Variants in TBXAS1 observed in about 807,000 individuals in gnomAD.
The protein encoded by TBXAS1 is thromboxane A synthase 1.
Under a neutral mutation model 60.7 loss-of-function variants are expected in TBXAS1, and 48 were observed. The ratio of observed to expected loss-of-function variants is 0.79; its 90% CI spans 0.63 to 1.01. The LOEUF is 1.01. Ranked by LOEUF, TBXAS1 falls within the 50% of genes least tolerant of loss-of-function variation. The pLI, the probability that TBXAS1 is intolerant of heterozygous loss-of-function variation, is 0.00. For missense variants in TBXAS1, 685 were observed against 686.3 expected (o/e 1.00, Z 0.02); for synonymous variants, 287 against 269.7 (o/e 1.06, Z -0.63).
At chr7:139,945,634 G>A (rs17161282) in intron 5 of TBXAS1, among the ~76,000 whole-genome samples, 2,729 of 152,298 alleles carry the variant, frequency 0.018, 41 homozygotes, top group South Asian at 0.04. Flanking sequence ...ACATGCAATA[G>A]TTACCACAAA....
intron 9 of TBXAS1, among the ~76,000 whole-genome samples, chr7:139,985,951 T>G (rs1053599427): frequency 6.6e-6 from 1 of 152,208 alleles, no homozygotes. Flanking sequence ...GTTCCCAACA[T>G]GGCCCCATGG....
At chr7:139,899,885 C>G (rs913776799) in intron 3 of TBXAS1, among the ~76,000 whole-genome samples, 3 of 152,204 alleles carry the variant, frequency 2.0e-5, no homozygotes, top group African/African-American at 7.2e-5. Context: ...TGACAGCATG[C>G]TCACCACCAA....
chr7:139,856,762 A>T (rs1800611368), intron 1 of TBXAS1, among the ~76,000 whole-genome samples: 1 of 151,758 alleles, frequency 6.6e-6, no homozygotes, highest in South Asian at 2.1e-4. Context: ...GGACAGGAAA[A>T]CCCTCACTGA....
chr7:140,006,970 T>A, intron 9 of TBXAS1, 121 bp from the exon 10 acceptor site: 1 of 963,568 alleles, frequency 1.0e-6, no homozygotes. Context: ...TTCCATTTTG[T>A]GGGGTTTCTG....
At chr7:139,970,709 A>T (rs1811135667) in intron 9 of TBXAS1, among the ~76,000 whole-genome samples, 1 of 152,234 alleles carries the variant, frequency 6.6e-6, no homozygotes, top group African/African-American at 2.4e-5. Flanking sequence ...GAAGTGTATT[A>T]ATCCTAAATA....
In TBXAS1 at chr7:140,004,860, C is replaced by T. The variant is rs1813942863; in HGVS notation, c.1135-2231C>T. Among the ~76,000 whole-genome samples, 1 of 152,234 alleles carries T rather than the reference C, an allele frequency of 6.6e-6. No individual in the cohort carries two copies. The highest frequency in any genetic ancestry group is 2.1e-4 in the South Asian group (1 of 4,830). The stretch of plus-strand genomic sequence containing the variant: ...GTTTGCCCCCATCGAGAAACAGCCT[C>T]CGGCCGGCCCCGCCACATACACTGT... On this transcript the variant is annotated intron_variant, in intron 9 of 12. Transcript: ENST00000448866. The surrounding 1 kb of genome is among the most constrained non-coding windows in gnomAD (Gnocchi z 5.1).
intron 4 of TBXAS1, among the ~76,000 whole-genome samples, chr7:139,912,226 C>T (rs960882397): frequency 1.3e-5 from 2 of 151,476 alleles, no homozygotes; most frequent in African/African-American, 2.4e-5. Flanking sequence ...CCAGCCTGGG[C>T]GACAGAGACG....
At position 139,957,671 on chromosome 7, in the gene TBXAS1, T is replaced by G. The variant is rs572759693; in HGVS notation, c.726T>G (p.Ile242Met). Residue 242 changes from isoleucine to methionine, a missense_variant, in exon 8 of 13, where the codon ATT (isoleucine) becomes ATG (methionine). Ile to Met is a conservative substitution (Grantham distance 10). Coordinates refer to ENST00000448866, the MANE Select transcript of TBXAS1 (RefSeq NM_001061.7). The part of the protein sequence containing the change: ...FPSIMVPLAR[I>M]LPNKNRDELN... ...CCATAATGGTCCCACTGGCCCGGATTTTGCCCAATAAGAACCGAGACGAAC... is the reference window on the plus strand; with the variant it reads ...CCATAATGGTCCCACTGGCCCGGATGTTGCCCAATAAGAACCGAGACGAAC... 1 of 1,614,036 alleles carries G rather than the reference T, an allele frequency of 6.2e-7. No individual in the cohort carries two copies. Among genetic ancestry groups the G allele is most frequent in the African/African-American group, 1.3e-5 (1 of 74,912 alleles).
chr7:140,004,862 G>A lies in TBXAS1; in HGVS notation c.1135-2229G>A, dbSNP rs1002635186. 1.3e-5 allele frequency among the ~76,000 whole-genome samples: 2 copies of A among 152,196 alleles called. No homozygotes were observed. Among genetic ancestry groups the A allele is most frequent in the South Asian group, 2.1e-4 (1 of 4,836 alleles). ...TTGCCCCCATCGAGAAACAGCCTCCGGCCGGCCCCGCCACATACACTGTGT... is the reference window on the plus strand; with the variant it reads ...TTGCCCCCATCGAGAAACAGCCTCCAGCCGGCCCCGCCACATACACTGTGT... On this transcript the variant is annotated intron_variant, in intron 9 of 12. Coordinates refer to ENST00000448866, the MANE Select transcript of TBXAS1 (RefSeq NM_001061.7). The surrounding 1 kb of genome is among the most constrained non-coding windows in gnomAD (Gnocchi z 5.1).
chr7:139,840,601 G>A (rs1215727762), intron 1 of TBXAS1, among the ~76,000 whole-genome samples: 2 of 152,112 alleles, frequency 1.3e-5, no homozygotes, highest in Non-Finnish European at 2.9e-5. Context: ...AACGGCGGTC[G>A]GATGCATTGG....
chr7:139,865,590 G>GGAGGAGGAGGAGGAA (rs1309397632), intron 1 of TBXAS1, among the ~76,000 whole-genome samples: 3 of 97,536 alleles, frequency 3.1e-5, no homozygotes, highest in Non-Finnish European at 4.3e-5. Context: ...AGAAGAAGGA[G>GGAGGAGGAGGAGGAA]GAGGAGGAGG....
At chr7:139,816,459 T>TAATGTGTAG (rs1798150925) in intron 4 of TBXAS1, among the ~76,000 whole-genome samples, 2 of 152,188 alleles carry the variant, frequency 1.3e-5, no homozygotes, top group Non-Finnish European at 2.9e-5. Context: ...TCTTTGAATC[T>TAATGTGTAG]AATGTGTAGA....
intron 1 of TBXAS1, among the ~76,000 whole-genome samples, chr7:139,833,086 A>T (rs1444396807): frequency 1.3e-5 from 2 of 152,160 alleles, no homozygotes; most frequent in Non-Finnish European, 2.9e-5. Flanking sequence ...AACAACAAAA[A>T]AAACCAAAGT....
intron 8 of TBXAS1, among the ~76,000 whole-genome samples, chr7:139,958,913 C>T (rs1001254893): frequency 1.3e-5 from 2 of 152,176 alleles, no homozygotes; most frequent in East Asian, 1.9e-4. Context: ...CATGTTTCTC[C>T]GCAGAGTGAG....
At chr7:139,892,335 G>C (rs1203443016) in intron 3 of TBXAS1, among the ~76,000 whole-genome samples, 2 of 152,172 alleles carry the variant, frequency 1.3e-5, no homozygotes, top group Non-Finnish European at 2.9e-5. Context: ...GCTCACCGCT[G>C]TAATCCCAGC....
intron 3 of TBXAS1, among the ~76,000 whole-genome samples, chr7:139,782,983 T>G (rs961212140): frequency 5.3e-5 from 8 of 152,246 alleles, no homozygotes; most frequent in African/African-American, 1.9e-4. Context: ...GCTTTAAACC[T>G]TTGATCGGTT....
chr7:139,979,792 A>C lies in TBXAS1; in HGVS notation c.1134+17559A>C, dbSNP rs565074515. Among the ~76,000 whole-genome samples the C allele has an allele frequency of 7.5e-4, 112 of 150,146 alleles. 1 individual carries two copies. The Middle Eastern group carries it at 0.01, about 14-fold the overall frequency. ...AAATAAATAGCAAAAGAAAGAAAAAACCCTCAGCTAAGAAGTATACTGTTG... is the reference window on the plus strand; with the variant it reads ...AAATAAATAGCAAAAGAAAGAAAAACCCCTCAGCTAAGAAGTATACTGTTG... On this transcript the variant is annotated intron_variant, in intron 9 of 12. Coordinates refer to ENST00000448866, the MANE Select transcript of TBXAS1 (RefSeq NM_001061.7).
At chr7:139,945,117 G>T (rs1484845690) in intron 5 of TBXAS1, among the ~76,000 whole-genome samples, 1 of 152,220 alleles carries the variant, frequency 6.6e-6, no homozygotes, top group Non-Finnish European at 1.5e-5. Context: ...ATGTGTCAAA[G>T]AAATGACAAA....
At chr7:139,993,840 G>A (rs112364616) in intron 9 of TBXAS1, among the ~76,000 whole-genome samples, 2,787 of 151,994 alleles carry the variant, frequency 0.018, 30 homozygotes, top group Middle Eastern at 0.024. Flanking sequence ...TCCAATGGGA[G>A]GGTTGAACTG....
Sources: allele counts gnomAD v4.1 joint callset (sites outside exome capture counted in the v4.1 genomes callset), GRCh38; gene constraint gnomAD v4.1.1; non-coding constraint Gnocchi (gnomAD v3.1); transcripts MANE v1.5; gene names NCBI Gene and HGNC (gene_info 2026-07-23, HGNC 2026-07-21).